Variants in DNAH12 observed in about 807,000 individuals in gnomAD.
The protein encoded by DNAH12 is dynein axonemal heavy chain 12, also known as axonemal beta dynein heavy chain 12.
Under a neutral mutation model 371.5 loss-of-function variants are expected in DNAH12, and 285 were observed. The ratio of observed to expected loss-of-function variants is 0.77; its 90% CI spans 0.70 to 0.85. The LOEUF is 0.85. DNAH12 is among the 40% of genes least tolerant of loss of function. DNAH12 has a pLI of 0.00. For synonymous variants in DNAH12, 1,200 were observed against 1,213.0 expected, an observed-to-expected ratio of 0.99 and a Z score of 0.22; for missense variants, 3,611 against 3,689.4, an observed-to-expected ratio of 0.98 and a Z score of 0.55.
At chr3:57,387,058 T>A (rs2063511811) in intron 46 of DNAH12, 28 bp downstream of exon 46, 1 of 152,204 alleles carries the variant, frequency 6.6e-6, no homozygotes, top group Non-Finnish European at 1.5e-5. Flanking sequence ...ATCCCTTCAT[T>A]GTCATTTTTA....
At chr3:57,482,879 A>C (rs1322470418) in intron 13 of DNAH12, among the ~76,000 whole-genome samples, 1 of 139,318 alleles carries the variant, frequency 7.2e-6, no homozygotes, top group Non-Finnish European at 1.5e-5. Context: ...CAATGAGAAC[A>C]CATGGACACA....
chr3:57,340,267 AAAGC>A (rs1188425059), intron 60 of DNAH12, among the ~76,000 whole-genome samples: 3 of 152,266 alleles, frequency 2.0e-5, no homozygotes, highest in Non-Finnish European at 2.9e-5. Context: ...AGAAACTAGA[AAAGC>A]AAGAACAAAC....
intron 36 of DNAH12, 28 bp from the exon 37 acceptor site, chr3:57,419,546 T>C: frequency 7.2e-7 from 1 of 1,397,472 alleles, no homozygotes; most frequent in Non-Finnish European, 9.3e-7. Context: ...TTTTAAAATA[T>C]TAAAACCATG....
In DNAH12 at chr3:57,433,798, A is replaced by G; in HGVS notation, c.4686T>C (p.Ala1562=). ...GFMLVGEPFA[A]KTKVLHVLAD... ...CCAGCACATGCAGAACTTTTGTCTT[A>G]GCAGCAAAAGGCTCTCCTACTAACA... is the stretch of plus-strand genomic sequence containing the variant. The change falls in exon 31 of 74, where the codon GCT becomes GCC. Residue 1562 remains alanine (A), a synonymous_variant. Coordinates refer to ENST00000495027, the MANE Select transcript of DNAH12 (RefSeq NM_001366028.2). 6.5e-7 allele frequency: 1 copy of G among 1,547,840 alleles called. No individual in the cohort carries two copies. The highest frequency in any genetic ancestry group is 8.7e-7 in the Non-Finnish European group (1 of 1,145,962).
Position 57,459,705 on chromosome 3 carries a change from G to C in DNAH12, c.2818C>G (p.Pro940Ala). The C allele has an allele frequency of 6.5e-7, 1 of 1,548,290 alleles. No homozygotes were observed. Among genetic ancestry groups the C allele is most frequent in the South Asian group, 1.2e-5 (1 of 83,602 alleles). Residue 940 changes from proline (P) to alanine (A), a missense_variant, in exon 20 of 74, where the codon CCC (proline) becomes GCC (alanine). Pro to Ala is a conservative substitution (Grantham distance 27, BLOSUM62 -1). This residue lies in a region of DNAH12 where 1,314 missense variants were observed against 1,398.7 expected (regional missense o/e 0.94). Transcript: ENST00000495027. ...KVQAQWLYLE[P>A]IFCSEDIMQQ... ...ATGATATCCTCAGAACAAAAGATGG[G>C]CTCTAAGTACAGCCATTGAGCTTGT...
chr3:57,307,227 C>CTTTT (rs60744451), intron 69 of DNAH12, among the ~76,000 whole-genome samples: 5 of 88,318 alleles, frequency 5.7e-5, no homozygotes, highest in African/African-American at 2.1e-4. Flanking sequence ...TGGTTAGATA[C>CTTTT]GACTTTAGAT....
rs539560052 is a variant in DNAH12 at position 57,471,043 on chromosome 3, C to A, written c.1912-407G>T. On this transcript the variant is annotated intron_variant, in intron 15 of 73. Transcript: ENST00000495027. ...TTTAAATATTAACTTCACAACATAA[C>A]TATGATTGAGAGCAAAAGGTACAAT... is the stretch of plus-strand genomic sequence containing the variant. 4.7e-4 allele frequency among the ~76,000 whole-genome samples: 71 copies of A among 152,198 alleles called. 3 individuals are homozygous for A. Among genetic ancestry groups the A allele is most frequent in the Middle Eastern group, 6.8e-3 (2 of 294 alleles).
At chr3:57,508,670 A>G in intron 6 of DNAH12, 130 bp from the exon 7 acceptor site, 1 of 986,710 alleles carries the variant, frequency 1.0e-6, no homozygotes, top group South Asian at 1.7e-5. Flanking sequence ...AGCTGTGGTC[A>G]GCAATGGGAA....
intron 42 of DNAH12, among the ~76,000 whole-genome samples, 155 bp downstream of exon 42, chr3:57,404,814 T>C (rs568109681): frequency 6.6e-6 from 1 of 152,288 alleles, no homozygotes; most frequent in South Asian, 2.1e-4. Context: ...TAACAGGGAA[T>C]TTCAAATAAA....
intron 8 of DNAH12, among the ~76,000 whole-genome samples, chr3:57,506,044 C>T (rs968595559): frequency 2.6e-5 from 4 of 152,162 alleles, no homozygotes; most frequent in African/African-American, 9.7e-5. Flanking sequence ...CCACACCCAG[C>T]CAAACCTTAA....
At chr3:57,538,267 A>C (rs1336875199) in intron 2 of DNAH12, among the ~76,000 whole-genome samples, 1 of 71,112 alleles carries the variant, frequency 1.4e-5, no homozygotes, top group East Asian at 5.3e-4. Flanking sequence ...AAAACCAATA[A>C]TTCAAAATGC....
chr3:57,309,568 G>C, intron 68 of DNAH12, 98 bp downstream of exon 68: 1 of 1,177,870 alleles, frequency 8.5e-7, no homozygotes, highest in East Asian at 2.8e-5. Context: ...CAAAGTTCTT[G>C]CTCAAGATCA....
chr3:57,393,358 T>C (rs2063664944), intron 44 of DNAH12, among the ~76,000 whole-genome samples: 1 of 151,774 alleles, frequency 6.6e-6, no homozygotes, highest in Non-Finnish European at 1.5e-5. Context: ...CCGGGCGAGG[T>C]GGCTCACGCC....
At chr3:57,403,254 G>T in intron 43 of DNAH12, 55 bp downstream of exon 43, 2 of 1,469,322 alleles carry the variant, frequency 1.4e-6, no homozygotes, top group South Asian at 1.4e-5. Flanking sequence ...CTCTCTTTAC[G>T]AGTAAAAGAA....
intron 43 of DNAH12, among the ~76,000 whole-genome samples, chr3:57,396,935 G>C (rs1387871735): frequency 1.3e-5 from 2 of 152,210 alleles, no homozygotes; most frequent in East Asian, 3.8e-4. Context: ...TGAGGCAGTA[G>C]AATCACTTGA....
chr3:57,413,878 T>A lies in DNAH12; in HGVS notation c.5888A>T (p.Lys1963Ile). 1 of 1,550,986 alleles carries A rather than the reference T, an allele frequency of 6.4e-7. No homozygotes were observed. The change falls in exon 39 of 74, where the codon AAA becomes ATA. Residue 1963 changes from lysine to isoleucine, a missense_variant. Lys to Ile is a moderately radical substitution (Grantham distance 102). Coordinates refer to ENST00000495027, the MANE Select transcript of DNAH12 (RefSeq NM_001366028.2). The stretch of plus-strand genomic sequence containing the variant: ...TCCCATAGGTGGTCCAAAGACTCCT[T>A]TGCGTCTTTTATCCAATCTAGCCAT... ...IIMARLDKRRKGVFGPPMGKK... is the reference protein window; with the variant it reads ...IIMARLDKRRIGVFGPPMGKK...
At chr3:57,400,344 C>G (rs2063832389) in intron 43 of DNAH12, among the ~76,000 whole-genome samples, 1 of 151,922 alleles carries the variant, frequency 6.6e-6, no homozygotes, top group South Asian at 2.1e-4. Flanking sequence ...GTTTAAGGGT[C>G]AACTGTATAA....
intron 4 of DNAH12, among the ~76,000 whole-genome samples, chr3:57,520,378 A>T (rs1198065165): frequency 3.3e-5 from 5 of 150,936 alleles, no homozygotes; most frequent in African/African-American, 9.7e-5. Flanking sequence ...GGCATGAGCC[A>T]CTGCGCCTGA....
chr3:57,320,673 A>G (rs958869143), intron 65 of DNAH12, among the ~76,000 whole-genome samples: 4 of 152,190 alleles, frequency 2.6e-5, no homozygotes, highest in Non-Finnish European at 5.9e-5. Flanking sequence ...TTCCAGAACC[A>G]GCCACATCAA....
Sources: gnomAD v4.1 joint callset for allele counts (sites outside exome capture counted in the v4.1 genomes callset) on GRCh38, gnomAD v4.1.1 for gene constraint, gnomAD v4.1.1 regional missense constraint, MANE v1.5 for transcripts, NCBI Gene and HGNC (gene_info 2026-07-23, HGNC 2026-07-21) for gene names.